Variants in NCBP1 observed in about 807,000 individuals in gnomAD.
NCBP1 encodes the protein nuclear cap-binding protein subunit 1.
Under a neutral mutation model 111.7 loss-of-function variants are expected in NCBP1, and 16 were observed. That is an observed-to-expected ratio of 0.14 (90% CI 0.10 to 0.22). The LOEUF is 0.22. NCBP1 is among the 10% of genes least tolerant of loss of function. The pLI is 1.00. For missense variants in NCBP1, 607 were observed against 957.5 expected (o/e 0.63, Z 4.83); for synonymous variants, 304 against 314.3 (o/e 0.97, Z 0.35).
Position 97,673,113 on chromosome 9 carries a change from G to T in NCBP1, c.*1914G>T, listed in dbSNP as rs1471369190. On this transcript the variant is annotated 3_prime_UTR_variant, in exon 23 of 23. Transcript: ENST00000375147. Reference sequence around the variant, plus strand: ...ACTGCACTCCAGCCTGGGTGATGGAGCGAGGCTCTGTCTCAAAAAAGAAAA... The same window carrying T: ...ACTGCACTCCAGCCTGGGTGATGGATCGAGGCTCTGTCTCAAAAAAGAAAA... The T allele has an allele frequency of 6.6e-6, 1 of 152,240 alleles. No individual in the cohort carries two copies. The highest frequency in any genetic ancestry group is 1.5e-5 in the Non-Finnish European group (1 of 68,078). 9.4% of individuals were successfully genotyped at this position (152,240 alleles called of 1,614,324 possible). A position where few individuals can be genotyped will look rare whatever the true frequency, so the allele number is the denominator to read the frequency against.
Position 97,657,923 on chromosome 9 carries a change from TA to T in NCBP1, c.1374-716del, listed in dbSNP as rs1315074472. ...CTCTCTCTCTATATATATATATATA[TA>T]TATTTTTTTTTTTTTTTTTAACGTC... is the stretch of plus-strand genomic sequence containing the variant. On this transcript the variant is annotated intron_variant, in intron 14 of 22. Transcript: ENST00000375147. Among the ~76,000 whole-genome samples the T allele has an allele frequency of 5.9e-3, 682 of 115,814 alleles. 1 individual carries two copies. Among genetic ancestry groups the T allele is most frequent in the East Asian group, 0.013 (58 of 4,396 alleles). The allele number at this position is 115,814 out of a possible 152,430, so 76.0% of individuals were successfully genotyped here. A position where few individuals can be genotyped will look rare whatever the true frequency, so the allele number is the denominator to read the frequency against.
chr9:97,637,210 C>G (rs1458975347), intron 1 of NCBP1, among the ~76,000 whole-genome samples: 2 of 152,094 alleles, frequency 1.3e-5, no homozygotes, highest in African/African-American at 4.8e-5. Flanking sequence ...GATTAGGAGG[C>G]TATACCAATG....
chr9:97,639,401 A>G (rs1827142395), intron 1 of NCBP1, among the ~76,000 whole-genome samples: 1 of 152,180 alleles, frequency 6.6e-6, no homozygotes, highest in South Asian at 2.1e-4. Flanking sequence ...CAAGCTTAGA[A>G]TAGCCAGGTG....
At chr9:97,653,398 G>T (rs1305352908) in intron 10 of NCBP1, among the ~76,000 whole-genome samples, 1 of 152,188 alleles carries the variant, frequency 6.6e-6, no homozygotes, top group East Asian at 1.9e-4. Context: ...TGGGATTACA[G>T]GCGTGAGCCA....
At chr9:97,651,037 T>G (rs1827483588) in intron 9 of NCBP1, among the ~76,000 whole-genome samples, 2 of 152,196 alleles carry the variant, frequency 1.3e-5, no homozygotes, top group African/African-American at 4.8e-5. Flanking sequence ...TCTACTCTAT[T>G]AAAACTTCTT....
intron 20 of NCBP1, among the ~76,000 whole-genome samples, chr9:97,667,361 T>G (rs981649761): frequency 4.6e-5 from 7 of 152,188 alleles, no homozygotes; most frequent in Non-Finnish European, 1.0e-4. Context: ...AACATGATAC[T>G]ACTATTCATT....
At chr9:97,634,050 A>G in intron 1 of NCBP1, 135 bp downstream of exon 1, 1 of 1,150,746 alleles carries the variant, frequency 8.7e-7, no homozygotes, top group Non-Finnish European at 1.2e-6. Flanking sequence ...GAAAGAGGAG[A>G]ATATGGTGGC....
chr9:97,668,921 A>G lies in NCBP1; in HGVS notation c.2092A>G (p.Lys698Glu), dbSNP rs369608673. Residue 698 changes from lysine (K) to glutamate (E), a missense_variant, in exon 21 of 23, where the codon AAA (lysine) becomes GAA (glutamate). Lys to Glu is a moderately conservative substitution (Grantham distance 56). Transcript: ENST00000375147. ...GGAACAAATAGAACGACTTCAGGAA[A>G]AAGTGGAATCTGCTCAGAGTGAACA... ...LEEQIERLQE[K>E]VESAQSEQKN... is the part of the protein sequence containing the mutation. The G allele has an allele frequency of 1.2e-6, 2 of 1,613,696 alleles. No individual in the cohort carries two copies. The highest frequency in any genetic ancestry group is 1.7e-6 in the Non-Finnish European group (2 of 1,179,762).
intron 1 of NCBP1, among the ~76,000 whole-genome samples, chr9:97,639,288 C>A (rs1486222563): frequency 6.6e-6 from 1 of 152,036 alleles, no homozygotes; most frequent in African/African-American, 2.4e-5. Flanking sequence ...CTTTATAATA[C>A]CCCCCCTCAG....
intron 2 of NCBP1, among the ~76,000 whole-genome samples, chr9:97,641,361 A>G (rs1450284043): frequency 6.6e-6 from 1 of 152,146 alleles, no homozygotes; most frequent in Non-Finnish European, 1.5e-5. Flanking sequence ...ATAGCTCTGT[A>G]TGCATGTAAG....
chr9:97,668,888 G>A lies in NCBP1; in HGVS notation c.2059G>A (p.Val687Ile), dbSNP rs372358511. Reference protein sequence around the residue: ...DDRSSDRKDGVLEEQIERLQE... With the variant: ...DDRSSDRKDGILEEQIERLQE... ...CAGAAGCAGTGACAGGAAAGACGGG[G>A]TTCTTGAGGAACAAATAGAACGACT... is the stretch of plus-strand genomic sequence containing the variant. Residue 687 changes from valine to isoleucine, a missense_variant, in exon 21 of 23, where the codon GTT becomes ATT. Transcript: ENST00000375147. 1.9e-6 allele frequency: 3 copies of A among 1,613,540 alleles called. No individual in the cohort carries two copies. Among genetic ancestry groups the A allele is most frequent in the African/African-American group, 2.7e-5 (2 of 74,886 alleles).
rs374109998 is a variant in NCBP1 at position 97,648,100 on chromosome 9, C to T, written c.774C>T (p.Ser258=). The change falls in exon 8 of 23, where the codon AGC becomes AGT. Residue 258 remains serine, a synonymous_variant. Transcript: ENST00000375147. ...HILRPYLAFD[S]ILCEALQHNL... is the part of the protein sequence containing the mutation. ...TAAGACCTTATCTTGCCTTTGACAG[C>T]ATCCTGTGTGAAGCACTGCAGCACA... 6 of 1,614,120 alleles carry T rather than the reference C, an allele frequency of 3.7e-6. No individual in the cohort carries two copies. In the Admixed American group the frequency reaches 6.7e-5, roughly 18 times the overall value.
intron 22 of NCBP1, 90 bp from the exon 23 acceptor site, chr9:97,670,996 G>T: frequency 1.3e-6 from 1 of 750,616 alleles, no homozygotes; most frequent in Non-Finnish European, 2.2e-6. Flanking sequence ...TCATCATTCT[G>T]CAGCATGGGT....
Position 97,643,187 on chromosome 9 carries a change from C to A in NCBP1, c.225-17C>A. The stretch of plus-strand genomic sequence containing the variant: ...ATTGTTTTGGGGTTTTCTTGTTATA[C>A]TGGGTTCTTAAATCAGTGCACGCCT... On this transcript the variant is annotated splice_polypyrimidine_tract_variant and intron_variant, in intron 3 of 22. Transcript: ENST00000375147. 6.4e-7 allele frequency: 1 copy of A among 1,563,986 alleles called. No individual in the cohort carries two copies. Among genetic ancestry groups the A allele is most frequent in the Non-Finnish European group, 8.6e-7 (1 of 1,164,594 alleles).
Position 97,664,957 on chromosome 9 carries a change from T to C in NCBP1, c.1901+514T>C, listed in dbSNP as rs565634242. On this transcript the variant is annotated intron_variant, in intron 19 of 22. Transcript: ENST00000375147. Reference sequence around the variant, plus strand: ...TAATCTTAGGTTTAATGCAGAAGATTCATTCTGCCCTCATTCCCCCTAACG... The same window carrying C: ...TAATCTTAGGTTTAATGCAGAAGATCCATTCTGCCCTCATTCCCCCTAACG... Among the ~76,000 whole-genome samples the C allele has an allele frequency of 3.7e-4, 57 of 152,314 alleles. 1 individual carries two copies. Among genetic ancestry groups the C allele is most frequent in the Admixed American group, 2.0e-4 (3 of 15,290 alleles).
intron 4 of NCBP1, among the ~76,000 whole-genome samples, chr9:97,644,748 C>T (rs1827287748): frequency 6.6e-6 from 1 of 152,156 alleles, no homozygotes; most frequent in Non-Finnish European, 1.5e-5. Context: ...CGTATGAACT[C>T]ACAGATTACT....
At chr9:97,670,781 A>G (rs936494990) in intron 22 of NCBP1, among the ~76,000 whole-genome samples, 1 of 152,218 alleles carries the variant, frequency 6.6e-6, no homozygotes, top group Non-Finnish European at 1.5e-5. Context: ...AGCTGAGCCT[A>G]GTCCGTAATA....
In NCBP1 at chr9:97,668,890, T is replaced by C; in HGVS notation, c.2061T>C (p.Val687=). Reference sequence around the variant, plus strand: ...GAAGCAGTGACAGGAAAGACGGGGTTCTTGAGGAACAAATAGAACGACTTC... The same window carrying C: ...GAAGCAGTGACAGGAAAGACGGGGTCCTTGAGGAACAAATAGAACGACTTC... ...DDRSSDRKDG[V]LEEQIERLQE... Residue 687 remains valine (V), a synonymous_variant, in exon 21 of 23, where the codon GTT becomes GTC. Coordinates refer to ENST00000375147, the MANE Select transcript of NCBP1 (RefSeq NM_002486.5). 2 of 1,613,820 alleles carry C rather than the reference T, an allele frequency of 1.2e-6. No homozygotes were observed. The highest frequency in any genetic ancestry group is 1.7e-6 in the Non-Finnish European group (2 of 1,179,792).
chr9:97,663,969 A>G (rs922431181), intron 18 of NCBP1, among the ~76,000 whole-genome samples: 1 of 151,758 alleles, frequency 6.6e-6, no homozygotes, highest in African/African-American at 2.4e-5. Context: ...ACTTGAAGCC[A>G]GGAGTTCGAG....
Sources: allele counts gnomAD v4.1 joint callset (sites outside exome capture counted in the v4.1 genomes callset), GRCh38; gene constraint gnomAD v4.1.1; transcripts MANE v1.5; gene names NCBI Gene and HGNC (gene_info 2026-07-23, HGNC 2026-07-21).